The following MRPS22 variants were observed in gnomAD, a reference collection of about 807,000 sequenced individuals.
MRPS22 encodes the protein mitochondrial ribosomal protein S22.
In MRPS22, 30 loss-of-function variants were observed where a neutral mutation model predicts 44.0. The ratio of observed to expected loss-of-function variants is 0.68; its 90% CI spans 0.51 to 0.93. The LOEUF (loss-of-function observed/expected upper bound fraction) is 0.93, where lower values mean the gene tolerates loss of function less well. MRPS22 is among the 40% of genes least tolerant of loss of function. MRPS22 has a pLI of 0.00. For synonymous variants in MRPS22, 165 were observed against 154.4 expected, an observed-to-expected ratio of 1.07 and a Z score of -0.51; for missense variants, 447 against 447.8, an observed-to-expected ratio of 1.00 and a Z score of 0.02.
chr3:139,355,907 T>C, intron 7 of MRPS22, 117 bp downstream of exon 7: 1 of 769,472 alleles, frequency 1.3e-6, no homozygotes, highest in South Asian at 1.5e-5. Context: ...ACATCTGTGG[T>C]CTTGAAAACA....
In MRPS22 at chr3:139,348,191, T is replaced by C; in HGVS notation, c.371T>C (p.Val124Ala). 6.2e-7 allele frequency: 1 copy of C among 1,614,162 alleles called. No individual in the cohort carries two copies. The highest frequency in any genetic ancestry group is 8.5e-7 in the Non-Finnish European group (1 of 1,180,016). Residue 124 changes from valine to alanine, a missense_variant, in exon 3 of 8, where the codon GTA (valine) becomes GCA (alanine). Coordinates refer to ENST00000680020, the MANE Select transcript of MRPS22 (RefSeq NM_020191.4). The stretch of plus-strand genomic sequence containing the variant: ...AGACAGGCAGTTGAGGCAGCTAAAG[T>C]ACGATTAAAAATGCCACCAGTTCTG... ...ATRQAVEAAK[V>A]RLKMPPVLEE...
chr3:139,356,311 A>G (rs918816554), intron 7 of MRPS22, among the ~76,000 whole-genome samples: 1 of 152,222 alleles, frequency 6.6e-6, no homozygotes, highest in Admixed American at 6.5e-5. Context: ...ATGTACATTT[A>G]TCTGTAAGTG....
chr3:139,345,507 TGTGA>T (rs1170659470), intron 1 of MRPS22, among the ~76,000 whole-genome samples: 7 of 151,196 alleles, frequency 4.6e-5, no homozygotes, highest in African/African-American at 1.5e-4. Flanking sequence ...CATGGGTTGT[TGTGA>T]GTATTAAATG....
At chr3:139,355,618 T>C (rs111734860) in intron 6 of MRPS22, 64 bp from the exon 7 acceptor site, 10 of 1,346,536 alleles carry the variant, frequency 7.4e-6, no homozygotes, top group African/African-American at 7.2e-5. Context: ...TGGCACACAC[T>C]TTTATAGGAC....
chr3:139,356,971 A>C lies in MRPS22; in HGVS notation c.1040A>C (p.Gln347Pro). Residue 347 changes from glutamine (Q) to proline (P), a missense_variant, in exon 8 of 8, where the codon CAG (glutamine) becomes CCG (proline). Transcript: ENST00000680020. Reference protein sequence around the residue: ...QKGAYIELTLQTYQEALSRHS... With the variant: ...QKGAYIELTLPTYQEALSRHS... Reference sequence around the variant, plus strand: ...GGAGCCTATATAGAACTAACACTGCAGACTTATCAAGAAGCACTCAGTCGC... The same window carrying C: ...GGAGCCTATATAGAACTAACACTGCCGACTTATCAAGAAGCACTCAGTCGC... The C allele has an allele frequency of 6.2e-7, 1 of 1,613,176 alleles. No homozygotes were observed. Among genetic ancestry groups the C allele is most frequent in the Non-Finnish European group, 8.5e-7 (1 of 1,179,608 alleles).
intron 6 of MRPS22, among the ~76,000 whole-genome samples, chr3:139,354,999 CAGA>C (rs1941216886): frequency 6.6e-6 from 1 of 152,246 alleles, no homozygotes; most frequent in Admixed American, 6.5e-5. Context: ...AAGTACAGAC[CAGA>C]AGAACTGAAT....
At chr3:139,346,257 C>T (rs1315773604) in intron 1 of MRPS22, among the ~76,000 whole-genome samples, 2 of 152,098 alleles carry the variant, frequency 1.3e-5, no homozygotes, top group Non-Finnish European at 2.9e-5. Flanking sequence ...TTTCTTTGAC[C>T]CTGTCATGCC....
rs1479496454 is a variant in MRPS22 at position 139,346,871 on chromosome 3, A to G, written c.173-7A>G. 6.2e-7 allele frequency: 1 copy of G among 1,614,124 alleles called. No homozygotes were observed. The highest frequency in any genetic ancestry group is 1.7e-5 in the Admixed American group (1 of 60,024). The stretch of plus-strand genomic sequence containing the variant: ...GTCAGCTTCTTATTTACTAAAGTCC[A>G]TTTTAGCAGAATCTGGTAGCCCAGA... On this transcript the variant is annotated splice_region_variant and splice_polypyrimidine_tract_variant and intron_variant, in intron 1 of 7. Coordinates refer to ENST00000680020, the MANE Select transcript of MRPS22 (RefSeq NM_020191.4).
chr3:139,344,131 C>G lies in MRPS22; in HGVS notation c.105C>G (p.Gly35=). 1 of 1,613,872 alleles carries G rather than the reference C, an allele frequency of 6.2e-7. No individual in the cohort carries two copies. The highest frequency in any genetic ancestry group is 1.1e-5 in the South Asian group (1 of 91,000). Residue 35 remains glycine (G), a synonymous_variant, in exon 1 of 8, where the codon GGC becomes GGG. Transcript: ENST00000680020. ...FRARIQPWHG[G]LLQPLPCSFE... ...CTCGAATCCAGCCCTGGCACGGTGG[C>G]CTGCTCCAACCGCTACCTTGCTCTT...
Position 139,347,307 on chromosome 3 carries a change from C to G in MRPS22, c.339+263C>G, listed in dbSNP as rs559289456. On this transcript the variant is annotated intron_variant, in intron 2 of 7. Transcript: ENST00000680020. ...CTCCTCTCAAGGCAGCCTGAGCACC[C>G]CTCCTTTTTTCTGCCTGCTCCAGCT... Among the ~76,000 whole-genome samples, 29 of 152,102 alleles carry G rather than the reference C, an allele frequency of 1.9e-4. No homozygotes were observed. The South Asian group carries it at 3.1e-3, about 16-fold the overall frequency.
chr3:139,350,134 A>G, intron 3 of MRPS22, 45 bp from the exon 4 acceptor site: 2 of 1,612,994 alleles, frequency 1.2e-6, no homozygotes, highest in Non-Finnish European at 8.5e-7. Flanking sequence ...GGAACTAAAA[A>G]TACGTCCTCA....
intron 2 of MRPS22, among the ~76,000 whole-genome samples, 179 bp from the exon 3 acceptor site, chr3:139,347,981 A>G (rs982540523): frequency 6.6e-6 from 1 of 152,256 alleles, no homozygotes; most frequent in Non-Finnish European, 1.5e-5. Flanking sequence ...TCTCAGCCAC[A>G]TCGCAGAGGC....
chr3:139,344,310 T>C, intron 1 of MRPS22, 112 bp downstream of exon 1: 1 of 1,182,894 alleles, frequency 8.5e-7, no homozygotes, highest in Non-Finnish European at 1.2e-6. Flanking sequence ...TAGCGCTTCC[T>C]CAGATTCAGC....
intron 4 of MRPS22, 107 bp downstream of exon 4, chr3:139,350,429 AC>A: frequency 7.8e-7 from 1 of 1,279,982 alleles, no homozygotes; most frequent in Non-Finnish European, 1.1e-6. Context: ...TGATAACTTG[AC>A]TTTTTTTTTT....
At chr3:139,346,541 A>AT (rs1392299932) in intron 1 of MRPS22, among the ~76,000 whole-genome samples, 1 of 152,232 alleles carries the variant, frequency 6.6e-6, no homozygotes, top group African/African-American at 2.4e-5. Context: ...GTGAGTGGTT[A>AT]TAAGCATTCC....
rs183277190 is a variant in MRPS22, at chr3:139,347,729, C to T, written c.340-431C>T. 1.0e-3 allele frequency among the ~76,000 whole-genome samples: 154 copies of T among 152,304 alleles called. 1 individual carries two copies. The highest frequency in any genetic ancestry group is 4.3e-3 in the Admixed American group (66 of 15,300). On this transcript the variant is annotated intron_variant, in intron 2 of 7. Transcript: ENST00000680020. ...TGCAATTTTCTAGCAATTTACTTAA[C>T]ATCTGTATGCCTCTGTTTTTTCTTC...
intron 1 of MRPS22, among the ~76,000 whole-genome samples, chr3:139,345,013 A>G (rs1941012365): frequency 6.6e-6 from 1 of 152,148 alleles, no homozygotes; most frequent in Non-Finnish European, 1.5e-5. Flanking sequence ...ACATCGGAGT[A>G]AAAATGGTAA....
intron 7 of MRPS22, among the ~76,000 whole-genome samples, chr3:139,356,212 C>CAAG (rs1270167526): frequency 6.6e-6 from 1 of 152,132 alleles, no homozygotes; most frequent in Non-Finnish European, 1.5e-5. Context: ...GGGCATGTGT[C>CAAG]AAGAAGTGGA....
chr3:139,347,297 C>G (rs1479042614), intron 2 of MRPS22, among the ~76,000 whole-genome samples: 2 of 152,082 alleles, frequency 1.3e-5, no homozygotes, highest in Non-Finnish European at 2.9e-5. Context: ...CTCAAGGCAG[C>G]CTGAGCACCC....
Sources: gnomAD v4.1 joint callset for allele counts (sites outside exome capture counted in the v4.1 genomes callset) on GRCh38, gnomAD v4.1.1 for gene constraint, MANE v1.5 for transcripts, NCBI Gene and HGNC (gene_info 2026-07-23, HGNC 2026-07-21) for gene names.